The following MTHFD1L variants were observed in gnomAD, a reference collection of about 807,000 sequenced individuals.
MTHFD1L encodes methylenetetrahydrofolate dehydrogenase (NADP+ dependent) 1 like, also known as monofunctional C1-tetrahydrofolate synthase, mitochondrial.
In MTHFD1L, 81 loss-of-function variants were observed where a neutral mutation model predicts 119.5. That is an observed-to-expected ratio of 0.68 (90% confidence interval 0.57 to 0.82). The LOEUF is 0.82. Among genes scored for constraint, MTHFD1L ranks in the 40% least tolerant of loss-of-function variants. MTHFD1L has a pLI of 0.00. For synonymous variants in MTHFD1L, 430 were observed against 475.2 expected (o/e 0.90, Z 1.24); for missense variants, 1,125 against 1,253.4 (o/e 0.90, Z 1.55).
intron 17 of MTHFD1L, 148 bp from the exon 18 acceptor site, chr6:150,960,127 C>A: frequency 1.8e-6 from 2 of 1,120,304 alleles, no homozygotes; most frequent in Non-Finnish European, 1.2e-6. Flanking sequence ...TCCAGACACG[C>A]AGAAAACTGA....
chr6:150,910,419 C>T (rs1393546783), intron 8 of MTHFD1L, among the ~76,000 whole-genome samples: 3 of 151,506 alleles, frequency 2.0e-5, no homozygotes, highest in African/African-American at 4.9e-5. Flanking sequence ...CAAAATTAGC[C>T]GGGCATGGTG....
In MTHFD1L at chr6:151,092,514, A is replaced by C. The variant is rs1162663405; in HGVS notation, c.2895A>C (p.Ile965=). 6.2e-7 allele frequency: 1 copy of C among 1,614,154 alleles called. No homozygotes were observed. The highest frequency in any genetic ancestry group is 2.2e-5 in the East Asian group (1 of 44,884). ...GLPTRPCFYD[I]DLDTETEQVK... is the part of the protein sequence containing the mutation. Reference sequence around the variant, plus strand: ...CCACCCGGCCCTGCTTTTATGACATAGATCTTGATACCGAAACAGAACAAG... The same window carrying C: ...CCACCCGGCCCTGCTTTTATGACATCGATCTTGATACCGAAACAGAACAAG... The change falls in exon 27 of 28, where the codon ATA becomes ATC. Residue 965 remains isoleucine, a synonymous_variant. Transcript: ENST00000367321.
At chr6:150,932,106 G>A (rs1791139344) in intron 11 of MTHFD1L, among the ~76,000 whole-genome samples, 1 of 129,986 alleles carries the variant, frequency 7.7e-6, no homozygotes, top group Non-Finnish European at 1.5e-5. Context: ...AGGTTGCAAT[G>A]AGCAGAGATC....
intron 4 of MTHFD1L, among the ~76,000 whole-genome samples, chr6:150,879,842 C>T (rs1046584461): frequency 7.9e-5 from 12 of 151,272 alleles, no homozygotes; most frequent in Admixed American, 4.0e-4. Flanking sequence ...TTAGCCAGGC[C>T]GTTCTCGAAC....
At chr6:151,015,227 T>TTTTTTTTTG (rs1491186340) in intron 23 of MTHFD1L, among the ~76,000 whole-genome samples, 2 of 142,550 alleles carry the variant, frequency 1.4e-5, no homozygotes, top group African/African-American at 5.5e-5. Flanking sequence ...TTTTTTTTTT[T>TTTTTTTTTG]TAATTCTACC....
At chr6:150,983,222 C>T (rs1047994829) in intron 20 of MTHFD1L, among the ~76,000 whole-genome samples, 2 of 152,086 alleles carry the variant, frequency 1.3e-5, no homozygotes, top group African/African-American at 4.8e-5. Context: ...CCCTGTATGG[C>T]TTATCTTTTA....
At chr6:150,944,713 T>C (rs1473400260) in intron 14 of MTHFD1L, 120 bp downstream of exon 14, 1 of 733,898 alleles carries the variant, frequency 1.4e-6, no homozygotes, top group East Asian at 2.7e-5. Flanking sequence ...CAATTCAATT[T>C]TGTGATTTTT....
chr6:151,025,812 G>C (rs1784537292), intron 24 of MTHFD1L, among the ~76,000 whole-genome samples: 1 of 152,212 alleles, frequency 6.6e-6, no homozygotes, highest in Non-Finnish European at 1.5e-5. Context: ...CTTCACAACA[G>C]TGGGGCCTCA....
At chr6:150,866,185 GC>G in intron 1 of MTHFD1L, 136 bp downstream of exon 1, 1 of 1,363,498 alleles carries the variant, frequency 7.3e-7, no homozygotes, top group Non-Finnish European at 9.6e-7. Context: ...GGGGGGCCGG[GC>G]GGTGTGTCGG....
In MTHFD1L at chr6:151,090,945, T is replaced by C. The variant is rs1271702469; in HGVS notation, c.2848-1522T>C. On this transcript the variant is annotated intron_variant, in intron 26 of 27. Transcript: ENST00000367321. ...TTCCATGCGACTGGGTGCAGCATCG[T>C]TCCATGCGACTGGGTGCAGCATCGC... Among the ~76,000 whole-genome samples, 65 of 64,646 alleles carry C rather than the reference T, an allele frequency of 1.0e-3. 1 individual carries two copies. The highest frequency in any genetic ancestry group is 4.9e-3 in the South Asian group (9 of 1,846). The allele number at this position is 64,646 out of a possible 152,430, so 42.4% of individuals were successfully genotyped here.
chr6:150,946,659 A>C (rs946593872), intron 15 of MTHFD1L, among the ~76,000 whole-genome samples: 10 of 152,214 alleles, frequency 6.6e-5, no homozygotes, highest in Non-Finnish European at 5.9e-5. Context: ...AGTGGTTTTA[A>C]AAATTCACCT....
Position 151,084,836 on chromosome 6 carries a change from G to A in MTHFD1L, c.2848-7631G>A, listed in dbSNP as rs567349040. On this transcript the variant is annotated intron_variant, in intron 26 of 27. Transcript: ENST00000367321. Reference sequence around the variant, plus strand: ...CAAAAAATTAGCCAGGCGTGGTGGCGGGTGCCTGTAGTCCCAGCTACTCGG... The same window carrying A: ...CAAAAAATTAGCCAGGCGTGGTGGCAGGTGCCTGTAGTCCCAGCTACTCGG... Among the ~76,000 whole-genome samples the A allele has an allele frequency of 2.3e-4, 34 of 151,092 alleles. No homozygotes were observed. In the South Asian group the frequency reaches 5.9e-3, roughly 26 times the overall value.
At chr6:150,983,721 A>G (rs752492673) in intron 20 of MTHFD1L, among the ~76,000 whole-genome samples, 3 of 152,224 alleles carry the variant, frequency 2.0e-5, no homozygotes, top group Non-Finnish European at 4.4e-5. Context: ...AGTTGTCATA[A>G]AAGAAGTTTC....
chr6:150,912,841 C>T (rs750003700), intron 8 of MTHFD1L: 1 of 275,818 alleles, frequency 3.6e-6, no homozygotes, highest in East Asian at 9.4e-5. Context: ...AGGCCCAGAT[C>T]GTAGACAACC....
chr6:151,010,843 G>A (rs1584111837), intron 21 of MTHFD1L, among the ~76,000 whole-genome samples: 1 of 152,256 alleles, frequency 6.6e-6, no homozygotes, highest in Non-Finnish European at 1.5e-5. Context: ...TTGGTATACT[G>A]TACTGTGTAT....
chr6:150,982,123 G>GGA (rs985830177), intron 20 of MTHFD1L, among the ~76,000 whole-genome samples: 4 of 150,818 alleles, frequency 2.7e-5, no homozygotes, highest in African/African-American at 9.8e-5. Flanking sequence ...AGGGAGAGGG[G>GGA]GAGAGAGAGA....
At chr6:150,890,150 C>G (rs1343668571) in intron 7 of MTHFD1L, among the ~76,000 whole-genome samples, 1 of 151,918 alleles carries the variant, frequency 6.6e-6, no homozygotes, top group African/African-American at 2.4e-5. Context: ...GAACGAAACT[C>G]CGTCTCAAAA....
chr6:151,072,693 G>A (rs888231318), intron 26 of MTHFD1L, among the ~76,000 whole-genome samples: 1 of 152,114 alleles, frequency 6.6e-6, no homozygotes, highest in Non-Finnish European at 1.5e-5. Context: ...GGAGGCTGAG[G>A]CAGGAGGATC....
chr6:151,028,087 G>A (rs1358618703), intron 24 of MTHFD1L, among the ~76,000 whole-genome samples: 1 of 152,126 alleles, frequency 6.6e-6, no homozygotes, highest in African/African-American at 2.4e-5. Context: ...TGCCTGCTGG[G>A]AAGCACACAG....
Sources: allele counts gnomAD v4.1 joint callset (sites outside exome capture counted in the v4.1 genomes callset), GRCh38; gene constraint gnomAD v4.1.1; transcripts MANE v1.5; gene names NCBI Gene and HGNC (gene_info 2026-07-23, HGNC 2026-07-21).